The following DAPK3 variants were observed in gnomAD, a reference collection of about 807,000 sequenced individuals.
The protein encoded by DAPK3 is death-associated protein kinase 3.
DAPK3 carries 24 observed loss-of-function variants against 30.6 expected under a neutral mutation model. The observed-to-expected ratio is 0.78, with a 90% CI of 0.57 to 1.10. The LOEUF (loss-of-function observed/expected upper bound fraction) is 1.10. Ranked by LOEUF, DAPK3 falls within the 50% of genes least tolerant of loss-of-function variation. The probability of loss-of-function intolerance (pLI) is 0.00; values close to 1 mark genes in which losing one functional copy is unlikely to be tolerated. For missense variants in DAPK3, 629 were observed against 657.3 expected (o/e 0.96, Z 0.47); for synonymous variants, 341 against 284.0 (o/e 1.20, Z -2.02).
chr19:3,963,311 G>A (rs1319870330), intron 6 of DAPK3, among the ~76,000 whole-genome samples: 1 of 152,110 alleles, frequency 6.6e-6, no homozygotes, highest in Non-Finnish European at 1.5e-5. Context: ...GTGGCCCAGG[G>A]ACAGGAGCCA....
intron 2 of DAPK3, 56 bp downstream of exon 2, chr19:3,969,618 C>T: frequency 1.5e-5 from 17 of 1,115,820 alleles, no homozygotes; most frequent in Non-Finnish European, 2.2e-5. Context: ...GTTCAGAAAA[C>T]CCCACAGCGC....
exon 1 of DAPK3, chr19:3,971,093 CCCTGCCGCCGCGACGCG>C (rs1488709575): frequency 1.3e-5 from 2 of 154,020 alleles, no homozygotes; most frequent in Non-Finnish European, 1.4e-5. Context: ...AGCCCCGCGC[CCCTGCCGCCGCGACGCG>C]CCTGCGCCGA....
At chr19:3,964,220 G>A (rs2039549772) in intron 4 of DAPK3, 24 bp downstream of exon 4, 1 of 1,585,784 alleles carries the variant, frequency 6.3e-7, no homozygotes, top group East Asian at 2.3e-5. Flanking sequence ...CCAGGCCGGG[G>A]CTGCCCACTG....
chr19:3,959,900 A>G (rs2039485383), intron 8 of DAPK3, 159 bp downstream of exon 8: 1 of 669,784 alleles, frequency 1.5e-6, no homozygotes, highest in Non-Finnish European at 2.6e-6. Flanking sequence ...TCCCACGCCC[A>G]GGACCCAACC....
chr19:3,964,489 T>G, intron 3 of DAPK3, 116 bp from the exon 4 acceptor site: 1 of 319,724 alleles, frequency 3.1e-6, no homozygotes, highest in Non-Finnish European at 4.9e-6. Flanking sequence ...TCCCCCAACC[T>G]CACCCCCACG....
At position 3,964,975 on chromosome 19, in the gene DAPK3, C is replaced by CGATCGCAA; in HGVS notation, c.71_78dup (p.Val27LeufsTer33). 1 of 1,602,006 alleles carries CGATCGCAA rather than the reference C, an allele frequency of 6.2e-7. No individual in the cohort carries two copies. Among genetic ancestry groups the CGATCGCAA allele is most frequent in the Non-Finnish European group, 8.5e-7 (1 of 1,171,964 alleles). ...GTGCCCTTCTGCCGGCACTTCCGCACGATCGCAAACTGGCCGCTGGAGGAG... is the reference window on the plus strand; with the variant it reads ...GTGCCCTTCTGCCGGCACTTCCGCACGATCGCAAGATCGCAAACTGGCCGCTGGAGGAG... On this transcript the variant is annotated frameshift_variant, in exon 3 of 9. Coordinates refer to ENST00000545797, the MANE Select transcript of DAPK3 (RefSeq NM_001348.3). LOFTEE classifies it high-confidence loss of function.
At position 3,958,965 on chromosome 19, in the gene DAPK3, C is replaced by T. The variant is rs988704411; in HGVS notation, c.*136G>A. 1.3e-5 allele frequency: 8 copies of T among 621,228 alleles called. No homozygotes were observed. Among genetic ancestry groups the T allele is most frequent in the Admixed American group, 1.2e-4 (4 of 32,270 alleles). The allele number at this position is 621,228 out of a possible 1,614,324, so 38.5% of individuals were successfully genotyped here. A position where few individuals can be genotyped will look rare whatever the true frequency, so the allele number is the denominator to read the frequency against. On this transcript the variant is annotated 3_prime_UTR_variant, in exon 9 of 9. Coordinates refer to ENST00000545797, the MANE Select transcript of DAPK3 (RefSeq NM_001348.3). Reference sequence around the variant, plus strand: ...GAACTTACGGGCCTGGCTCCAGCTCCTCCCACTCCGCCTCCAGCCTGGTGG... The same window carrying T: ...GAACTTACGGGCCTGGCTCCAGCTCTTCCCACTCCGCCTCCAGCCTGGTGG...
rs372851768 is a variant in DAPK3 at position 3,961,074 on chromosome 19, C to T, written c.717G>A (p.Glu239=). ...ISAVNYDFDE[E]YFSNTSELAK... ...CCAGCTCGCTGGTGTTGCTGAAGTA[C>T]TCCTCGTCGAAGTCGTAGTTCACGG... The change falls in exon 7 of 9, where the codon GAG becomes GAA. Residue 239 remains glutamate, a synonymous_variant. Transcript: ENST00000545797. 5 of 1,613,916 alleles carry T rather than the reference C, an allele frequency of 3.1e-6. No homozygotes were observed. The highest frequency in any genetic ancestry group is 4.2e-6 in the Non-Finnish European group (5 of 1,179,984).
At chr19:3,969,544 AC>A (rs1369535414) in intron 2 of DAPK3, 129 bp downstream of exon 2, 12 of 570,280 alleles carry the variant, frequency 2.1e-5, no homozygotes. Flanking sequence ...TCGTTCCCCC[AC>A]CGCATGATAC....
Position 3,959,471 on chromosome 19 carries a change from GCCT to G in DAPK3, c.992_994del (p.Glu331del). The G allele has an allele frequency of 6.5e-7, 1 of 1,547,260 alleles. No individual in the cohort carries two copies. The highest frequency in any genetic ancestry group is 8.7e-7 in the Non-Finnish European group (1 of 1,153,202). ...GCGCAGGCCCTCCTCGGCGGCCGCC[GCCT>G]CCTCCAGCACCTTGGAGAAGCGCTC... is the stretch of plus-strand genomic sequence containing the variant. On this transcript the variant is annotated inframe_deletion, in exon 9 of 9. Coordinates refer to ENST00000545797, the MANE Select transcript of DAPK3 (RefSeq NM_001348.3).
Position 3,958,610 on chromosome 19 carries a change from C to T in DAPK3, c.*491G>A. The stretch of plus-strand genomic sequence containing the variant: ...GAGAAGGGCACACAGTGGAAGACCC[C>T]ACCAAGCCCGGCGCCACCCAGCAGC... On this transcript the variant is annotated 3_prime_UTR_variant, in exon 9 of 9. Transcript: ENST00000545797. 2.4e-6 allele frequency: 1 copy of T among 423,292 alleles called. No homozygotes were observed. The highest frequency in any genetic ancestry group is 4.7e-6 in the Non-Finnish European group (1 of 211,206). The allele number at this position is 423,292 out of a possible 1,614,324, so 26.2% of individuals were successfully genotyped here. A position where few individuals can be genotyped will look rare whatever the true frequency, so the allele number is the denominator to read the frequency against.
In DAPK3 at chr19:3,971,065, A is replaced by G. The variant is rs980232464; in HGVS notation, c.-239T>C. On this transcript the variant is annotated 5_prime_UTR_variant, in exon 1 of 9. Coordinates refer to ENST00000545797, the MANE Select transcript of DAPK3 (RefSeq NM_001348.3). Reference sequence around the variant, plus strand: ...TACGGCCGGCGCCGCCGCGCTGGCCACCGCCGCCGCCTCCAGAAGCCCCGC... The same window carrying G: ...TACGGCCGGCGCCGCCGCGCTGGCCGCCGCCGCCGCCTCCAGAAGCCCCGC... 3 of 153,426 alleles carry G rather than the reference A, an allele frequency of 2.0e-5. No individual in the cohort carries two copies. Among genetic ancestry groups the G allele is most frequent in the East Asian group, 1.9e-4 (1 of 5,198 alleles). 9.5% of individuals were successfully genotyped at this position (153,426 alleles called of 1,614,324 possible). A position where few individuals can be genotyped will look rare whatever the true frequency, so the allele number is the denominator to read the frequency against.
At chr19:3,965,047 G>A (rs2145337591) in intron 2 of DAPK3, 56 bp from the exon 3 acceptor site, 1 of 941,400 alleles carries the variant, frequency 1.1e-6, no homozygotes, top group Non-Finnish European at 1.7e-6. Context: ...AGTAAGTGGG[G>A]GTGGCTGGCT....
chr19:3,959,649 G>A lies in DAPK3; in HGVS notation c.829-12C>T, dbSNP rs893764471. On this transcript the variant is annotated splice_polypyrimidine_tract_variant and intron_variant, in intron 8 of 8. Coordinates refer to ENST00000545797, the MANE Select transcript of DAPK3 (RefSeq NM_001348.3). ...CGCCGCCGGATCGCCTAGGAAGGAG[G>A]GAAGCCTGAGCGGGGTCCCCGCGAT... 6.4e-7 allele frequency: 1 copy of A among 1,564,768 alleles called. No individual in the cohort carries two copies. The highest frequency in any genetic ancestry group is 8.6e-7 in the Non-Finnish European group (1 of 1,160,754).
chr19:3,962,975 G>A (rs1238723521), intron 6 of DAPK3, among the ~76,000 whole-genome samples: 4 of 151,808 alleles, frequency 2.6e-5, no homozygotes, highest in Non-Finnish European at 4.4e-5. Context: ...GGTGGTGGGC[G>A]CCTGTAATCC....
Position 3,969,685 on chromosome 19 carries a change from C to T in DAPK3, c.51G>A (p.Glu17=). 1 of 1,610,176 alleles carries T rather than the reference C, an allele frequency of 6.2e-7. No homozygotes were observed. Among genetic ancestry groups the T allele is most frequent in the Non-Finnish European group, 8.5e-7 (1 of 1,177,160 alleles). The change falls in exon 2 of 9, where the codon GAG becomes GAA. Residue 17 remains glutamate (E), a synonymous_variant. Transcript: ENST00000545797. ...GGCAGACAGCTCACCTGCCCAGCTC[C>T]TCCCCCATCTCATAATGGTCCTCCA... ...EDVEDHYEMG[E]ELGSGQFAIV...
At chr19:3,961,994 G>C (rs1568191241) in intron 6 of DAPK3, among the ~76,000 whole-genome samples, 1 of 152,156 alleles carries the variant, frequency 6.6e-6, no homozygotes, top group Non-Finnish European at 1.5e-5. Flanking sequence ...GAGTAGCTGG[G>C]ACTACAGGCA....
At position 3,959,199 on chromosome 19, in the gene DAPK3, G is replaced by A; in HGVS notation, c.1267C>T (p.Leu423=). Residue 423 remains leucine (L), a synonymous_variant, in exon 9 of 9, where the codon CTG becomes TTG. Transcript: ENST00000545797. ...ATCTCGGAGGCTACTTGCTTGGCCA[G>A]CGCCTCGTAGCGGTTCTCCAGGCGG... ...FSRLENRYEA[L]AKQVASEMRF... is the part of the protein sequence containing the mutation. The A allele has an allele frequency of 5.6e-6, 9 of 1,599,354 alleles. No individual in the cohort carries two copies. The highest frequency in any genetic ancestry group is 7.6e-6 in the Non-Finnish European group (9 of 1,177,352).
At chr19:3,962,959 G>A (rs2145333606) in intron 6 of DAPK3, among the ~76,000 whole-genome samples, 1 of 151,856 alleles carries the variant, frequency 6.6e-6, no homozygotes, top group East Asian at 1.9e-4. Context: ...AAAATTAGCT[G>A]GGCATGGTGG....
Sources: allele counts gnomAD v4.1 joint callset (sites outside exome capture counted in the v4.1 genomes callset), GRCh38; gene constraint gnomAD v4.1.1; transcripts MANE v1.5; gene names NCBI Gene and HGNC (gene_info 2026-07-23, HGNC 2026-07-21).